The following RUNX2 variants were observed in gnomAD, a reference collection of about 807,000 sequenced individuals.
RUNX2 encodes the protein runt-related transcription factor 2.
A neutral mutation model predicts 51.7 loss-of-function variants in RUNX2; 10 were observed. That is an observed-to-expected ratio of 0.19 (90% CI 0.12 to 0.33). The LOEUF is 0.33. Among genes scored for constraint, RUNX2 ranks in the 10% least tolerant of loss-of-function variants. The pLI is 1.00. For missense variants in RUNX2, 562 were observed against 691.3 expected, an observed-to-expected ratio of 0.81 and a Z score of 2.10; for synonymous variants, 276 against 273.6, an observed-to-expected ratio of 1.01 and a Z score of -0.09.
intron 2 of RUNX2, among the ~76,000 whole-genome samples, chr6:45,379,781 G>A (rs542775100): frequency 6.6e-6 from 1 of 152,048 alleles, no homozygotes; most frequent in East Asian, 1.9e-4. Flanking sequence ...CAGGAGAATC[G>A]CTTGAACCTG....
At chr6:45,518,608 C>T (rs749249222) in intron 7 of RUNX2, among the ~76,000 whole-genome samples, 4 of 152,048 alleles carry the variant, frequency 2.6e-5, no homozygotes, top group Non-Finnish European at 5.9e-5. Flanking sequence ...TACTAAAGCT[C>T]AGAATGAAAC....
intron 2 of RUNX2, among the ~76,000 whole-genome samples, chr6:45,419,442 C>T (rs1259364525): frequency 6.6e-6 from 1 of 151,106 alleles, no homozygotes; most frequent in Non-Finnish European, 1.5e-5. Context: ...AAAAAAAAGG[C>T]AGGAAAAAAA....
At chr6:45,511,626 T>C (rs1582190781) in intron 6 of RUNX2, among the ~76,000 whole-genome samples, 1 of 152,350 alleles carries the variant, frequency 6.6e-6, no homozygotes, top group East Asian at 1.9e-4. Context: ...TCTTACGTGC[T>C]GCCCCTCCAT....
chr6:45,344,688 T>C (rs1790491649), intron 2 of RUNX2, among the ~76,000 whole-genome samples: 1 of 152,108 alleles, frequency 6.6e-6, no homozygotes, highest in Admixed American at 6.6e-5. Flanking sequence ...GTGTATAAAC[T>C]AGCTCTTCAT....
intron 6 of RUNX2, among the ~76,000 whole-genome samples, chr6:45,508,141 G>C (rs994561414): frequency 1.3e-5 from 2 of 151,602 alleles, no homozygotes; most frequent in Non-Finnish European, 2.9e-5. Flanking sequence ...TTGTTTAAAA[G>C]GTTGCTATCC....
intron 6 of RUNX2, among the ~76,000 whole-genome samples, chr6:45,492,693 T>G (rs1465465015): frequency 6.6e-6 from 1 of 152,186 alleles, no homozygotes; most frequent in East Asian, 1.9e-4. Context: ...TACTTTACCT[T>G]TCTTCTGAGA....
chr6:45,393,314 A>T (rs1797510685), intron 2 of RUNX2, among the ~76,000 whole-genome samples: 1 of 152,128 alleles, frequency 6.6e-6, no homozygotes, highest in African/African-American at 2.4e-5. Context: ...ATAGGCCCTC[A>T]CTGTGTGGTT....
chr6:45,481,227 C>T lies in RUNX2; in HGVS notation c.686-10714C>T, dbSNP rs181648759. Among the ~76,000 whole-genome samples the T allele has an allele frequency of 3.9e-5, 6 of 152,302 alleles. No individual in the cohort carries two copies. In the East Asian group the frequency reaches 1.2e-3, roughly 29 times the overall value. On this transcript the variant is annotated intron_variant, in intron 5 of 8. Transcript: ENST00000647337. ...CAGGATCCAGGAATTGCGTGACAGT[C>T]TGTTTGTAGGCTAGTTGTCACTGCA...
intron 7 of RUNX2, among the ~76,000 whole-genome samples, chr6:45,537,720 G>A (rs1413856933): frequency 1.3e-5 from 2 of 152,174 alleles, no homozygotes; most frequent in Non-Finnish European, 2.9e-5. Flanking sequence ...GGCAGTTCTA[G>A]TTCCCAGCCC....
At chr6:45,456,985 A>C (rs1799335547) in intron 5 of RUNX2, among the ~76,000 whole-genome samples, 1 of 152,224 alleles carries the variant, frequency 6.6e-6, no homozygotes. Context: ...AATTTGAAGA[A>C]AAATGTGTAA....
At chr6:45,465,112 G>A (rs1003906665) in intron 5 of RUNX2, among the ~76,000 whole-genome samples, 3 of 152,056 alleles carry the variant, frequency 2.0e-5, no homozygotes, top group Non-Finnish European at 2.9e-5. Context: ...TAAATCACTC[G>A]GTGGCTCAGG....
rs147783693 is a variant in RUNX2, at chr6:45,547,182, G to A, written c.1443G>A (p.Thr481=). The part of the protein sequence containing the change: ...PPCTTTSNGS[T]LLNPNLPNQN... ...GCACCACCACCTCGAATGGCAGCACGCTATTAAATCCAAATTTGCCTAACC... is the reference window on the plus strand; with the variant it reads ...GCACCACCACCTCGAATGGCAGCACACTATTAAATCCAAATTTGCCTAACC... Residue 481 remains threonine (T), a synonymous_variant, in exon 9 of 9, where the codon ACG becomes ACA. Coordinates refer to ENST00000647337, the MANE Select transcript of RUNX2 (RefSeq NM_001024630.4). The A allele has an allele frequency of 1.9e-5, 30 of 1,613,960 alleles. No individual in the cohort carries two copies. The South Asian group carries it at 1.9e-4, about 10-fold the overall frequency.
intron 5 of RUNX2, among the ~76,000 whole-genome samples, chr6:45,453,106 C>G (rs568757110): frequency 6.6e-6 from 1 of 152,150 alleles, no homozygotes; most frequent in Non-Finnish European, 1.5e-5. Flanking sequence ...GGGTCTCCCC[C>G]ACCCCTCCCC....
At chr6:45,374,717 A>G (rs138295153) in intron 2 of RUNX2, among the ~76,000 whole-genome samples, 2,028 of 152,324 alleles carry the variant, frequency 0.013, 25 homozygotes, top group Non-Finnish European at 0.018. Flanking sequence ...TGACTGACAT[A>G]GACTACCATG....
chr6:45,519,302 T>G (rs551864244), intron 7 of RUNX2, among the ~76,000 whole-genome samples: 5 of 152,334 alleles, frequency 3.3e-5, no homozygotes, highest in Non-Finnish European at 7.3e-5. Context: ...TATATTCTCC[T>G]CCTACCATCT....
At chr6:45,369,351 T>C (rs1358192505) in intron 2 of RUNX2, among the ~76,000 whole-genome samples, 3 of 152,134 alleles carry the variant, frequency 2.0e-5, no homozygotes, top group Non-Finnish European at 4.4e-5. Flanking sequence ...CCAAGAAACC[T>C]TCCCAGATAT....
Position 45,547,228 on chromosome 6 carries a change from G to A in RUNX2, c.1489G>A (p.Asp497Asn), listed in dbSNP as rs759738332. ...LPNQNDGVDA[D>N]GSHSSSPTVL... is the part of the protein sequence containing the mutation. ...TAACCAGAATGATGGTGTTGACGCT[G>A]ATGGAAGCCACAGCAGTTCCCCAAC... Residue 497 changes from aspartate (D) to asparagine (N), a missense_variant, in exon 9 of 9, where the codon GAT (aspartate) becomes AAT (asparagine). By Grantham distance (23) the Asp-to-Asn change is conservative (BLOSUM62 1). Transcript: ENST00000647337. 1.2e-6 allele frequency: 2 copies of A among 1,614,186 alleles called. No homozygotes were observed. The highest frequency in any genetic ancestry group is 1.1e-5 in the South Asian group (1 of 91,074).
intron 7 of RUNX2, among the ~76,000 whole-genome samples, chr6:45,542,788 T>C (rs1027358548): frequency 6.6e-6 from 1 of 152,196 alleles, no homozygotes; most frequent in Non-Finnish European, 1.5e-5. Flanking sequence ...GTTAACCAAA[T>C]TCCTTAAGGG....
At chr6:45,369,158 A>G (rs1795632049) in intron 2 of RUNX2, among the ~76,000 whole-genome samples, 1 of 152,090 alleles carries the variant, frequency 6.6e-6, no homozygotes. Flanking sequence ...CTTATCTCAA[A>G]TCAGTCACAC....
Sources: gnomAD v4.1 joint callset for allele counts (sites outside exome capture counted in the v4.1 genomes callset) on GRCh38, gnomAD v4.1.1 for gene constraint, MANE v1.5 for transcripts, NCBI Gene and HGNC (gene_info 2026-07-23, HGNC 2026-07-21) for gene names.